CADPS: variants seen among roughly 807,000 people sequenced by gnomAD.
CADPS encodes the protein calcium dependent secretion activator, also known as calcium-dependent secretion activator 1.
A neutral mutation model predicts 167.3 loss-of-function variants in CADPS; 57 were observed. That is an observed-to-expected ratio of 0.34 (90% CI 0.28 to 0.42). The LOEUF (loss-of-function observed/expected upper bound fraction) is 0.42, where lower values mean the gene tolerates loss of function less well. CADPS is among the 20% of genes least tolerant of loss of function. CADPS has a pLI of 1.00. For missense variants in CADPS, 1,414 were observed against 1,738.1 expected, an observed-to-expected ratio of 0.81 and a Z score of 3.32; for synonymous variants, 676 against 635.3, an observed-to-expected ratio of 1.06 and a Z score of -0.96.
chr3:62,476,606 A>C (rs1406729076), intron 23 of CADPS, among the ~76,000 whole-genome samples: 1 of 152,168 alleles, frequency 6.6e-6, no homozygotes, highest in African/African-American at 2.4e-5. Flanking sequence ...TAGGTGTCTG[A>C]ACCGTGAAGA....
rs569386190 is a variant in CADPS, at chr3:62,795,878, A to T, written c.442-29894T>A. Among the ~76,000 whole-genome samples the T allele has an allele frequency of 2.6e-5, 4 of 152,286 alleles. No individual in the cohort carries two copies. In the East Asian group the frequency reaches 7.7e-4, roughly 29 times the overall value. ...GGATCAATGGGAGGTAACAGAGTAGAGAAGACTGGGACCATATTCCAGGTG... is the reference window on the plus strand; with the variant it reads ...GGATCAATGGGAGGTAACAGAGTAGTGAAGACTGGGACCATATTCCAGGTG... On this transcript the variant is annotated intron_variant, in intron 1 of 29. Coordinates refer to ENST00000383710, the MANE Select transcript of CADPS (RefSeq NM_003716.4).
intron 6 of CADPS, among the ~76,000 whole-genome samples, chr3:62,599,854 T>A (rs1468793033): frequency 1.3e-3 from 4 of 3,032 alleles, no homozygotes; most frequent in Admixed American, 0.01. Context: ...ATATATATAA[T>A]ATATATAATA....
chr3:62,488,203 G>A lies in CADPS; in HGVS notation c.3026+3136C>T, dbSNP rs184894721. 2.0e-3 allele frequency among the ~76,000 whole-genome samples: 303 copies of A among 151,866 alleles called. 2 individuals carry two copies. The highest frequency in any genetic ancestry group is 4.4e-3 in the South Asian group (21 of 4,812). ...ATGCCAAAAAGATCATTCTTCACTT[G>A]GAAAAAAAATCTAAGAAGAGAAATG... On this transcript the variant is annotated intron_variant, in intron 21 of 29. Coordinates refer to ENST00000383710, the MANE Select transcript of CADPS (RefSeq NM_003716.4).
chr3:62,695,772 A>G (rs1307515837), intron 3 of CADPS, among the ~76,000 whole-genome samples: 4 of 151,924 alleles, frequency 2.6e-5, no homozygotes, highest in East Asian at 1.9e-4. Context: ...CTGGGCTCCA[A>G]TGATCCTGCC....
intron 11 of CADPS, among the ~76,000 whole-genome samples, chr3:62,536,958 T>C (rs2074805195): frequency 6.6e-6 from 1 of 152,186 alleles, no homozygotes. Flanking sequence ...TTTAATAGAT[T>C]CTGCCATTCC....
chr3:62,463,327 G>A (rs893755638), intron 26 of CADPS, among the ~76,000 whole-genome samples: 2 of 152,134 alleles, frequency 1.3e-5, no homozygotes, highest in Non-Finnish European at 2.9e-5. Flanking sequence ...GAGTTTCACA[G>A]GTTCAAGTCC....
intron 3 of CADPS, among the ~76,000 whole-genome samples, chr3:62,679,006 G>A (rs749024540): frequency 2.0e-5 from 3 of 152,016 alleles, no homozygotes; most frequent in Admixed American, 6.6e-5. Context: ...CCTGAGAAAA[G>A]AGATTGCTGT....
intron 1 of CADPS, among the ~76,000 whole-genome samples, chr3:62,853,772 G>GT (rs1222149608): frequency 1.3e-5 from 2 of 151,928 alleles, no homozygotes; most frequent in Non-Finnish European, 2.9e-5. Flanking sequence ...ACCAGCCTGG[G>GT]CAACATGGCA....
At chr3:62,569,424 G>A (rs377718219) in intron 9 of CADPS, among the ~76,000 whole-genome samples, 9 of 152,270 alleles carry the variant, frequency 5.9e-5, no homozygotes, top group Non-Finnish European at 1.2e-4. Context: ...TCTGAGGGAC[G>A]GGCATCATTC....
rs147045947 is a variant in CADPS at position 62,844,157 on chromosome 3, C to G, written c.441+30432G>C. On this transcript the variant is annotated intron_variant, in intron 1 of 29. Transcript: ENST00000383710. ...GAAAGGATGGGGGAAAAAGCAGAGA[C>G]AAATCACAGTTGTAAGGTAAGAGCT... Among the ~76,000 whole-genome samples, 102 of 152,290 alleles carry G rather than the reference C, an allele frequency of 6.7e-4. 1 individual carries two copies. Among genetic ancestry groups the G allele is most frequent in the African/African-American group, 2.2e-3 (91 of 41,558 alleles).
chr3:62,611,272 G>T (rs1390041871), intron 6 of CADPS, among the ~76,000 whole-genome samples: 3 of 152,136 alleles, frequency 2.0e-5, no homozygotes, highest in East Asian at 3.9e-4. Context: ...CCAGGACTCC[G>T]TTTTGTTGCC....
intron 6 of CADPS, among the ~76,000 whole-genome samples, chr3:62,631,773 C>T (rs577996947): frequency 6.6e-6 from 1 of 152,234 alleles, no homozygotes; most frequent in Admixed American, 6.5e-5. Flanking sequence ...TATCTTAATT[C>T]CAGGCTCATA....
chr3:62,561,809 T>C (rs2079213020), intron 9 of CADPS, among the ~76,000 whole-genome samples: 2 of 152,220 alleles, frequency 1.3e-5, no homozygotes, highest in African/African-American at 4.8e-5. Flanking sequence ...CTTCTTTCCT[T>C]GCTTTTACCA....
chr3:62,579,908 G>C (rs547284619), intron 8 of CADPS, among the ~76,000 whole-genome samples: 3 of 152,308 alleles, frequency 2.0e-5, no homozygotes, highest in Admixed American at 2.0e-4. Flanking sequence ...AAGTGAAGGG[G>C]AGCAGCAATG....
intron 11 of CADPS, 88 bp from the exon 12 acceptor site, chr3:62,536,669 G>T: frequency 7.4e-7 from 1 of 1,345,766 alleles, no homozygotes; most frequent in South Asian, 1.3e-5. Flanking sequence ...GAATTCACTA[G>T]ACATTATGAA....
intron 1 of CADPS, among the ~76,000 whole-genome samples, chr3:62,806,404 C>A (rs1394483942): frequency 1.3e-5 from 2 of 149,266 alleles, no homozygotes; most frequent in Non-Finnish European, 3.0e-5. Flanking sequence ...TGGTGGCATG[C>A]AACTGTATTC....
intron 3 of CADPS, among the ~76,000 whole-genome samples, chr3:62,674,082 T>C (rs1369831092): frequency 2.6e-5 from 4 of 152,136 alleles, no homozygotes; most frequent in African/African-American, 9.7e-5. Flanking sequence ...AAAAGGAAAT[T>C]GAGTTTTCCA....
chr3:62,419,242 G>T (rs1482601642), intron 28 of CADPS, among the ~76,000 whole-genome samples: 2 of 152,134 alleles, frequency 1.3e-5, no homozygotes, highest in Non-Finnish European at 2.9e-5. Context: ...GGCCTTGTCT[G>T]CCACCTGTGT....
chr3:62,773,356 G>C (rs1445551216), intron 1 of CADPS, among the ~76,000 whole-genome samples: 1 of 151,856 alleles, frequency 6.6e-6, no homozygotes, highest in South Asian at 2.1e-4. Flanking sequence ...TCTGAAAAAG[G>C]CATTTTAAGT....
Sources: allele counts gnomAD v4.1 joint callset (sites outside exome capture counted in the v4.1 genomes callset), GRCh38; gene constraint gnomAD v4.1.1; transcripts MANE v1.5; gene names NCBI Gene and HGNC (gene_info 2026-07-23, HGNC 2026-07-21).